PCK1: variants seen among roughly 807,000 people sequenced by gnomAD.
PCK1 encodes phosphoenolpyruvate carboxykinase, cytosolic [GTP].
Under a neutral mutation model 50.3 loss-of-function variants are expected in PCK1, and 44 were observed. The observed-to-expected ratio is 0.87, with a 90% confidence interval of 0.69 to 1.12. PCK1 has a LOEUF of 1.12. Ranked by LOEUF, PCK1 falls within the 50% of genes most tolerant of loss-of-function variation. The probability of loss-of-function intolerance (pLI) is 0.00; values close to 1 mark genes in which losing one functional copy is unlikely to be tolerated. For synonymous variants in PCK1, 332 were observed against 314.3 expected (o/e 1.06, Z -0.59); for missense variants, 790 against 815.0 (o/e 0.97, Z 0.37).
intron 4 of PCK1, 24 bp downstream of exon 4, chr20:57,562,923 A>G (rs753518989): frequency 6.4e-5 from 102 of 1,593,098 alleles, no homozygotes; most frequent in Non-Finnish European, 8.2e-5. Flanking sequence ...TTCAGAATCA[A>G]AAGTCAAAAT....
chr20:57,565,868 C>A lies in PCK1; in HGVS notation c.*64C>A. 3 of 1,209,064 alleles carry A rather than the reference C, an allele frequency of 2.5e-6. No homozygotes were observed. The highest frequency in any genetic ancestry group is 3.5e-6 in the Non-Finnish European group (3 of 869,248). 74.9% of individuals were successfully genotyped at this position (1,209,064 alleles called of 1,614,324 possible). On this transcript the variant is annotated 3_prime_UTR_variant, in exon 10 of 10. Coordinates refer to ENST00000319441, the MANE Select transcript of PCK1 (RefSeq NM_002591.4). The stretch of plus-strand genomic sequence containing the variant: ...TCCCATCCATAAGGTGCAGTAGGAG[C>A]AAGAGAGGGCAAGTGTTCCCAAATT...
intron 6 of PCK1, chr20:57,563,949 A>T: frequency 4.9e-6 from 3 of 611,382 alleles, no homozygotes; most frequent in Non-Finnish European, 8.7e-6. Flanking sequence ...ACATACATAC[A>T]TTTGTTTAAA....
intron 5 of PCK1, 101 bp from the exon 6 acceptor site, chr20:57,563,464 A>C (rs536856115): frequency 1.2e-6 from 1 of 802,258 alleles, no homozygotes; most frequent in Non-Finnish European, 2.0e-6. Flanking sequence ...TGATACCTGA[A>C]GAAATAGATC....
chr20:57,565,921 C>A lies in PCK1; in HGVS notation c.*117C>A. 1 of 729,568 alleles carries A rather than the reference C, an allele frequency of 1.4e-6. No homozygotes were observed. The highest frequency in any genetic ancestry group is 2.2e-6 in the Non-Finnish European group (1 of 453,274). 45.2% of individuals were successfully genotyped at this position (729,568 alleles called of 1,614,324 possible). A position where few individuals can be genotyped will look rare whatever the true frequency, so the allele number is the denominator to read the frequency against. ...CGCCACCATAATAATCATCACCACA[C>A]CGTGAGCAGATCTGAAAGGCACACT... is the stretch of plus-strand genomic sequence containing the variant. On this transcript the variant is annotated 3_prime_UTR_variant, in exon 10 of 10. Coordinates refer to ENST00000319441, the MANE Select transcript of PCK1 (RefSeq NM_002591.4).
In PCK1 at chr20:57,565,020, C is replaced by T. The variant is rs78189318; in HGVS notation, c.1319-20C>T. On this transcript the variant is annotated intron_variant, in intron 8 of 9. Coordinates refer to ENST00000319441, the MANE Select transcript of PCK1 (RefSeq NM_002591.4). ...TTCAAAGCCTCTGATGAACATTTCTCTTTTTTTTTCCTGCTAAAGGTGTCC... is the reference window on the plus strand; with the variant it reads ...TTCAAAGCCTCTGATGAACATTTCTTTTTTTTTTTCCTGCTAAAGGTGTCC... 1.2e-5 allele frequency: 19 copies of T among 1,543,074 alleles called. No individual in the cohort carries two copies. The highest frequency in any genetic ancestry group is 1.5e-5 in the Non-Finnish European group (17 of 1,122,180).
chr20:57,564,052 T>C, intron 6 of PCK1, 117 bp from the exon 7 acceptor site: 1 of 696,228 alleles, frequency 1.4e-6, no homozygotes, highest in East Asian at 2.7e-5. Flanking sequence ...ATGCATATTC[T>C]AGGGAGGGAA....
rs1183072436 is a variant in PCK1, at chr20:57,566,883, C to CG, written c.*1084dup. On this transcript the variant is annotated 3_prime_UTR_variant, in exon 10 of 10. Transcript: ENST00000319441. ...ACAGTTTTCTCAACTGTCATCCCCG[C>CG]GGGGGAGCAGAGGAAGACAAGTGAG... 1 of 152,064 alleles carries CG rather than the reference C, an allele frequency of 6.6e-6. No individual in the cohort carries two copies. Among genetic ancestry groups the CG allele is most frequent in the Non-Finnish European group, 1.5e-5 (1 of 68,028 alleles). The allele number at this position is 152,064 out of a possible 1,614,324, so 9.4% of individuals were successfully genotyped here.
rs770190877 is a variant in PCK1, at chr20:57,562,800, C to T, written c.511C>T (p.Arg171Trp). 19 of 1,613,678 alleles carry T rather than the reference C, an allele frequency of 1.2e-5. No individual in the cohort carries two copies. Among genetic ancestry groups the T allele is most frequent in the Middle Eastern group, 3.3e-4 (2 of 6,074 alleles). ...TTCACCCTACGTGGTGGCCAGCATG[C>T]GGATCATGACGCGGATGGGCACGCC... is the stretch of plus-strand genomic sequence containing the variant. The part of the protein sequence containing the change: ...TDSPYVVASM[R>W]IMTRMGTPVL... Residue 171 changes from arginine to tryptophan, a missense_variant, in exon 4 of 10, where the codon CGG (arginine) becomes TGG (tryptophan). By Grantham distance (101) the Arg-to-Trp change is moderately radical. Coordinates refer to ENST00000319441, the MANE Select transcript of PCK1 (RefSeq NM_002591.4).
chr20:57,565,583 A>G lies in PCK1; in HGVS notation c.1648A>G (p.Thr550Ala), dbSNP rs1029281359. 7 of 1,614,166 alleles carry G rather than the reference A, an allele frequency of 4.3e-6. No homozygotes were observed. Among genetic ancestry groups the G allele is most frequent in the Non-Finnish European group, 5.9e-6 (7 of 1,180,012 alleles). ...MFNRIDGKAS[T>A]KLTPIGYIPK... ...CAACCGGATCGATGGAAAAGCCAGCACCAAGCTCACGCCCATAGGCTACAT... is the reference window on the plus strand; with the variant it reads ...CAACCGGATCGATGGAAAAGCCAGCGCCAAGCTCACGCCCATAGGCTACAT... Residue 550 changes from threonine to alanine, a missense_variant, in exon 10 of 10, where the codon ACC becomes GCC. Thr to Ala is a moderately conservative substitution (Grantham distance 58, BLOSUM62 0). Coordinates refer to ENST00000319441, the MANE Select transcript of PCK1 (RefSeq NM_002591.4).
chr20:57,564,970 A>G, intron 8 of PCK1, 70 bp from the exon 9 acceptor site: 3 of 1,122,746 alleles, frequency 2.7e-6, no homozygotes, highest in Non-Finnish European at 4.0e-6. Context: ...GTTGTGAATA[A>G]CACCACTGGT....
chr20:57,562,609 A>G (rs1192958470), intron 3 of PCK1, 87 bp from the exon 4 acceptor site: 2 of 1,141,288 alleles, frequency 1.8e-6, no homozygotes, highest in East Asian at 5.0e-5. Context: ...GAACACCGTG[A>G]AAATGGGTCT....
chr20:57,564,135 C>G, intron 6 of PCK1, 34 bp from the exon 7 acceptor site: 1 of 1,418,828 alleles, frequency 7.0e-7, no homozygotes. Flanking sequence ...TTGCCTGGCA[C>G]TCACTACTGC....
rs1464571463 is a variant in PCK1, at chr20:57,567,086, AC to A, written c.*1283del. 4 of 152,210 alleles carry A rather than the reference AC, an allele frequency of 2.6e-5. No homozygotes were observed. Among genetic ancestry groups the A allele is most frequent in the Non-Finnish European group, 4.4e-5 (3 of 68,028 alleles). The allele number at this position is 152,210 out of a possible 1,614,324, so 9.4% of individuals were successfully genotyped here. On this transcript the variant is annotated 3_prime_UTR_variant, in exon 10 of 10. Coordinates refer to ENST00000319441, the MANE Select transcript of PCK1 (RefSeq NM_002591.4). ...CCCAGTGTTTATTGGATATTCCAGA[AC>A]AGTCCAAACGAACCATAAACTTTAT...
chr20:57,564,387 G>A lies in PCK1; in HGVS notation c.1180G>A (p.Glu394Lys), dbSNP rs1224527562. The A allele has an allele frequency of 6.2e-7, 1 of 1,614,018 alleles. No homozygotes were observed. ...TSWKNKEWSS[E>K]DGEPCAHPNS... is the part of the protein sequence containing the mutation. ...CTGGAAGAATAAGGAGTGGAGCTCA[G>A]AGGATGGTGTGTCCCTGCCAGAGGC... Residue 394 changes from glutamate (E) to lysine (K), a missense_variant, in exon 7 of 10, where the codon GAG becomes AAG. Transcript: ENST00000319441.
Position 57,561,374 on chromosome 20 carries a change from G to A in PCK1, c.-38G>A, listed in dbSNP as rs753873599. On this transcript the variant is annotated splice_region_variant and 5_prime_UTR_variant, in exon 2 of 10. Transcript: ENST00000319441. The stretch of plus-strand genomic sequence containing the variant: ...GACGCTTGCGTTTTCTATTTCAGGT[G>A]ACCTCACATTCGTGCCCCTTAGCAG... The A allele has an allele frequency of 6.0e-6, 8 of 1,329,912 alleles. No homozygotes were observed. The highest frequency in any genetic ancestry group is 2.9e-5 in the African/African-American group (2 of 69,250). 82.4% of individuals were successfully genotyped at this position (1,329,912 alleles called of 1,614,324 possible). A position where few individuals can be genotyped will look rare whatever the true frequency, so the allele number is the denominator to read the frequency against.
At position 57,564,551 on chromosome 20, in the gene PCK1, C is replaced by T. The variant is rs1355790198; in HGVS notation, c.1256C>T (p.Ala419Val). ...AGCCAGTGCCCCATCATTGATGCTG[C>T]CTGGGAGTCTCCGGAAGGTGTTCCC... The part of the protein sequence containing the change: ...PASQCPIIDA[A>V]WESPEGVPIE... Residue 419 changes from alanine to valine, a missense_variant, in exon 8 of 10, where the codon GCC (alanine) becomes GTC (valine). Physicochemically the swap from Ala to Val is moderately conservative, Grantham distance 64. Coordinates refer to ENST00000319441, the MANE Select transcript of PCK1 (RefSeq NM_002591.4). The T allele has an allele frequency of 3.1e-6, 5 of 1,613,486 alleles. No individual in the cohort carries two copies. The African/African-American group carries it at 4.0e-5, about 13-fold the overall frequency.
chr20:57,563,624 C>A lies in PCK1; in HGVS notation c.858C>A (p.Ser286Arg), dbSNP rs150928523. ...EKKYLAAAFP[S>R]ACGKTNLAMM... ...AGTACCTGGCGGCCGCATTTCCCAG[C>A]GCCTGCGGGAAGACCAACCTGGCCA... Residue 286 changes from serine to arginine, a missense_variant, in exon 6 of 10, where the codon AGC becomes AGA. Coordinates refer to ENST00000319441, the MANE Select transcript of PCK1 (RefSeq NM_002591.4). The A allele has an allele frequency of 1.4e-5, 23 of 1,611,588 alleles. No individual in the cohort carries two copies. The highest frequency in any genetic ancestry group is 2.7e-5 in the African/African-American group (2 of 74,876).
chr20:57,565,684 A>G lies in PCK1; in HGVS notation c.1749A>G (p.Glu583=), dbSNP rs1334463706. 6.2e-7 allele frequency: 1 copy of G among 1,613,682 alleles called. No individual in the cohort carries two copies. The highest frequency in any genetic ancestry group is 2.2e-5 in the East Asian group (1 of 44,886). The part of the protein sequence containing the change: ...NMMELFSISK[E]FWEKEVEDIE... ...TGGAGCTTTTCAGCATCTCCAAGGAATTCTGGGAGAAGGAGGTGGAAGACA... is the reference window on the plus strand; with the variant it reads ...TGGAGCTTTTCAGCATCTCCAAGGAGTTCTGGGAGAAGGAGGTGGAAGACA... Residue 583 remains glutamate (E), a synonymous_variant, in exon 10 of 10, where the codon GAA becomes GAG. Transcript: ENST00000319441.
chr20:57,564,962 T>A (rs775078533), intron 8 of PCK1, 78 bp from the exon 9 acceptor site: 1 of 1,042,938 alleles, frequency 9.6e-7, no homozygotes. Context: ...CTTTCCGTGT[T>A]GTGAATAACA....
Sources: gnomAD v4.1 joint callset for allele counts on GRCh38, gnomAD v4.1.1 for gene constraint, MANE v1.5 for transcripts, NCBI Gene and HGNC (gene_info 2026-07-23, HGNC 2026-07-21) for gene names.